Variants in ANXA6 observed in about 807,000 individuals in gnomAD.
The protein encoded by ANXA6 is 67 kDa calelectrin.
ANXA6 carries 71 observed loss-of-function variants against 95.4 expected under a neutral mutation model. The ratio of observed to expected loss-of-function variants is 0.74; its 90% CI spans 0.61 to 0.91. ANXA6 has a LOEUF of 0.91. Among genes scored for constraint, ANXA6 ranks in the 40% least tolerant of loss-of-function variants. ANXA6 has a pLI of 0.00. For synonymous variants in ANXA6, 289 were observed against 315.9 expected, an observed-to-expected ratio of 0.91 and a Z score of 0.90; for missense variants, 830 against 876.4, an observed-to-expected ratio of 0.95 and a Z score of 0.67.
intron 20 of ANXA6, among the ~76,000 whole-genome samples, chr5:151,113,457 A>G (rs995491400): frequency 2.6e-5 from 4 of 152,224 alleles, no homozygotes; most frequent in Admixed American, 1.3e-4. Context: ...GTATTTTATC[A>G]AAAATTTGTA....
intron 23 of ANXA6, among the ~76,000 whole-genome samples, chr5:151,106,904 G>T (rs1561564326): frequency 6.6e-6 from 1 of 152,222 alleles, no homozygotes; most frequent in Non-Finnish European, 1.5e-5. Flanking sequence ...GTTGTGGTGT[G>T]TGTTTGCACG....
intron 17 of ANXA6, among the ~76,000 whole-genome samples, chr5:151,119,726 CCT>C (rs1431874738): frequency 6.6e-6 from 1 of 152,202 alleles, no homozygotes; most frequent in Non-Finnish European, 1.5e-5. Context: ...CACGCACATG[CCT>C]CACAGTGTTA....
Position 151,117,838 on chromosome 5 carries a change from C to T in ANXA6, c.1439-1G>A. The stretch of plus-strand genomic sequence containing the variant: ...GCATCCTCCAGGGACTTGTGATAGT[C>T]TGAGGCAGAGAAAGGGGGTGTGGGT... On this transcript the variant is annotated splice_acceptor_variant, in intron 18 of 25. Coordinates refer to ENST00000354546, the MANE Select transcript of ANXA6 (RefSeq NM_001155.5). LOFTEE classifies it high-confidence loss of function. 1 of 1,613,238 alleles carries T rather than the reference C, an allele frequency of 6.2e-7. No homozygotes were observed. The highest frequency in any genetic ancestry group is 8.5e-7 in the Non-Finnish European group (1 of 1,179,388).
chr5:151,140,324 T>A, intron 2 of ANXA6, 81 bp from the exon 3 acceptor site: 1 of 1,190,060 alleles, frequency 8.4e-7, no homozygotes, highest in Non-Finnish European at 1.2e-6. Context: ...GTCAGATGCC[T>A]ACCCTGGTCC....
At chr5:151,138,413 T>C (rs770535614) in intron 5 of ANXA6, among the ~76,000 whole-genome samples, 6 of 152,174 alleles carry the variant, frequency 3.9e-5, no homozygotes, top group Non-Finnish European at 5.9e-5. Context: ...CTCAGGAGTG[T>C]TGGACACAAT....
chr5:151,127,667 T>G (rs1218332293), intron 13 of ANXA6, among the ~76,000 whole-genome samples: 1 of 152,180 alleles, frequency 6.6e-6, no homozygotes, highest in Non-Finnish European at 1.5e-5. Context: ...GCTTTCTATG[T>G]GGCACAGCCA....
intron 11 of ANXA6, among the ~76,000 whole-genome samples, 167 bp from the exon 12 acceptor site, chr5:151,129,696 GT>G (rs1448217835): frequency 2.0e-5 from 2 of 100,952 alleles, no homozygotes; most frequent in East Asian, 2.9e-4. Context: ...TCCTCTTACT[GT>G]TTTGTTTGTT....
At chr5:151,108,417 C>T in intron 23 of ANXA6, 38 bp downstream of exon 23, 2 of 1,563,438 alleles carry the variant, frequency 1.3e-6, no homozygotes, top group Non-Finnish European at 1.8e-6. Flanking sequence ...TTCAAGTTCC[C>T]AGTGCCCCCA....
At chr5:151,121,595 G>A (rs923906393) in intron 17 of ANXA6, among the ~76,000 whole-genome samples, 1 of 152,316 alleles carries the variant, frequency 6.6e-6, no homozygotes, top group African/African-American at 2.4e-5. Flanking sequence ...TGAAGGCACA[G>A]AGGATTGGGA....
At chr5:151,142,538 G>A (rs539263240) in intron 2 of ANXA6, among the ~76,000 whole-genome samples, 1 of 151,668 alleles carries the variant, frequency 6.6e-6, no homozygotes, top group East Asian at 1.9e-4. Flanking sequence ...TCTTTGCAAC[G>A]ATCCTTAAAG....
At chr5:151,120,416 CAA>C (rs35091535) in intron 17 of ANXA6, among the ~76,000 whole-genome samples, 36,528 of 131,874 alleles carry the variant, frequency 0.28, 4,907 homozygotes, top group Admixed American at 0.39. Context: ...GCTACAACTA[CAA>C]AAAAAAAAAA....
At position 151,132,694 on chromosome 5, in the gene ANXA6, G is replaced by C. The variant is rs971853877; in HGVS notation, c.641-123C>G. On this transcript the variant is annotated intron_variant, in intron 9 of 25. Coordinates refer to ENST00000354546, the MANE Select transcript of ANXA6 (RefSeq NM_001155.5). Reference sequence around the variant, plus strand: ...ACTGTCCACCATGAAGCTAGGGCTGGTGCTATGATGGAGGCGACTGGGAGG... The same window carrying C: ...ACTGTCCACCATGAAGCTAGGGCTGCTGCTATGATGGAGGCGACTGGGAGG... The C allele has an allele frequency of 1.3e-5, 10 of 771,094 alleles. No individual in the cohort carries two copies. The African/African-American group carries it at 1.6e-4, about 12-fold the overall frequency. 47.8% of individuals were successfully genotyped at this position (771,094 alleles called of 1,614,324 possible).
chr5:151,122,357 G>C (rs1271929770), intron 16 of ANXA6, 97 bp from the exon 17 acceptor site: 5 of 678,908 alleles, frequency 7.4e-6, no homozygotes, highest in Non-Finnish European at 1.3e-5. Flanking sequence ...GGTTCCACAT[G>C]AGGGATCATG....
chr5:151,108,622 C>T, intron 22 of ANXA6, 72 bp from the exon 23 acceptor site: 5 of 1,284,242 alleles, frequency 3.9e-6, no homozygotes, highest in Non-Finnish European at 5.7e-6. Flanking sequence ...TCCTCAGCCC[C>T]ACCCAGTGCC....
intron 8 of ANXA6, 92 bp downstream of exon 8, chr5:151,134,335 G>A (rs1036439798): frequency 1.3e-5 from 16 of 1,238,370 alleles, no homozygotes; most frequent in Non-Finnish European, 1.7e-5. Context: ...TGATGCAAAT[G>A]ACTTCACCTC....
intron 14 of ANXA6, among the ~76,000 whole-genome samples, chr5:151,125,333 C>T (rs1765286256): frequency 9.5e-6 from 1 of 105,662 alleles, no homozygotes. Context: ...CAGAGTGAGA[C>T]CCTGTCTCAA....
intron 7 of ANXA6, among the ~76,000 whole-genome samples, chr5:151,135,294 C>T (rs1765626915): frequency 6.6e-6 from 1 of 152,128 alleles, no homozygotes; most frequent in South Asian, 2.1e-4. Context: ...ATACAAAACG[C>T]TTGACTCCAA....
At chr5:151,150,323 G>A (rs929849854) in intron 1 of ANXA6, among the ~76,000 whole-genome samples, 15 of 152,182 alleles carry the variant, frequency 9.9e-5, no homozygotes, top group African/African-American at 3.4e-4. Context: ...AGTTCAAGGT[G>A]ATCTCAAGCA....
intron 7 of ANXA6, among the ~76,000 whole-genome samples, chr5:151,135,810 T>A (rs1220697806): frequency 6.6e-6 from 1 of 152,208 alleles, no homozygotes; most frequent in South Asian, 2.1e-4. Flanking sequence ...TAAAACACAT[T>A]TTATGGGAAA....
Sources: gnomAD v4.1 joint callset for allele counts (sites outside exome capture counted in the v4.1 genomes callset) on GRCh38, gnomAD v4.1.1 for gene constraint, MANE v1.5 for transcripts, NCBI Gene and HGNC (gene_info 2026-07-23, HGNC 2026-07-21) for gene names.